ANTXR2: variants seen among roughly 807,000 people sequenced by gnomAD.
ANTXR2 encodes ANTXR cell adhesion molecule 2.
ANTXR2 carries 44 observed loss-of-function variants against 73.7 expected under a neutral mutation model. The ratio of observed to expected loss-of-function variants is 0.60; its 90% CI spans 0.47 to 0.77. ANTXR2 has a LOEUF of 0.77. Ranked by LOEUF, ANTXR2 falls within the 30% of genes least tolerant of loss-of-function variation. The pLI is 0.00. For synonymous variants in ANTXR2, 217 were observed against 205.9 expected (o/e 1.05, Z -0.46); for missense variants, 604 against 592.5 (o/e 1.02, Z -0.20).
At chr4:79,975,375 C>T (rs1257293945) in intron 16 of ANTXR2, among the ~76,000 whole-genome samples, 1 of 152,152 alleles carries the variant, frequency 6.6e-6, no homozygotes, top group Non-Finnish European at 1.5e-5. Flanking sequence ...TGTTTCTACC[C>T]TTTGATATTA....
intron 11 of ANTXR2, among the ~76,000 whole-genome samples, chr4:80,011,774 A>G (rs985554520): frequency 6.6e-6 from 1 of 152,192 alleles, no homozygotes; most frequent in Non-Finnish European, 1.5e-5. Context: ...TTCATGACTA[A>G]CATCTTTCTT....
At chr4:79,913,704 T>C (rs1421054061) in intron 16 of ANTXR2, among the ~76,000 whole-genome samples, 1 of 152,164 alleles carries the variant, frequency 6.6e-6, no homozygotes, top group Non-Finnish European at 1.5e-5. Flanking sequence ...AGTGGAATGC[T>C]AGCCATTTAT....
At chr4:80,004,011 G>T (rs896704049) in intron 12 of ANTXR2, among the ~76,000 whole-genome samples, 1 of 152,020 alleles carries the variant, frequency 6.6e-6, no homozygotes, top group Non-Finnish European at 1.5e-5. Context: ...CAACCTAAAT[G>T]TTTTTCAACA....
intron 14 of ANTXR2, among the ~76,000 whole-genome samples, chr4:79,981,206 G>A (rs1729875440): frequency 6.6e-6 from 1 of 152,038 alleles, no homozygotes; most frequent in African/African-American, 2.4e-5. Context: ...TTAATTCTCA[G>A]TTCAATTTTT....
intron 16 of ANTXR2, among the ~76,000 whole-genome samples, chr4:79,956,222 A>G (rs1428702154): frequency 1.3e-5 from 2 of 152,178 alleles, no homozygotes; most frequent in East Asian, 3.8e-4. Context: ...ATAGAGTAAT[A>G]TGCATGCATT....
chr4:80,068,109 C>T (rs143584183), intron 3 of ANTXR2, among the ~76,000 whole-genome samples: 10 of 152,244 alleles, frequency 6.6e-5, no homozygotes, highest in Non-Finnish European at 5.9e-5. Context: ...ACTAAAAGCA[C>T]AAAGATTAAA....
chr4:80,008,528 C>T lies in ANTXR2; in HGVS notation c.1034G>A (p.Cys345Tyr), dbSNP rs1209449061. ...TAAATCCTTCTTACTCACCACTTTG[C>T]AGCAAAGGGGCCAAAACCACCACAT... The part of the protein sequence containing the change: ...GLMWWFWPLC[C>Y]KVVIKDPPPP... Residue 345 changes from cysteine to tyrosine, a missense_variant, in exon 12 of 17, where the codon TGC (cysteine) becomes TAC (tyrosine). By Grantham distance (194) the Cys-to-Tyr change is radical. Transcript: ENST00000403729. 3.1e-6 allele frequency: 5 copies of T among 1,606,580 alleles called. No homozygotes were observed. Among genetic ancestry groups the T allele is most frequent in the African/African-American group, 1.3e-5 (1 of 74,472 alleles).
Position 79,977,945 on chromosome 4 carries a change from C to A in ANTXR2, c.1347+62G>T, listed in dbSNP as rs895585115. The A allele has an allele frequency of 7.3e-6, 11 of 1,503,336 alleles. No homozygotes were observed. In the African/African-American group the frequency reaches 1.6e-4, roughly 21 times the overall value. The allele number at this position is 1,503,336 out of a possible 1,614,324, so 93.1% of individuals were successfully genotyped here. A position where few individuals can be genotyped will look rare whatever the true frequency, so the allele number is the denominator to read the frequency against. On this transcript the variant is annotated intron_variant, in intron 15 of 16. Coordinates refer to ENST00000403729, the MANE Select transcript of ANTXR2 (RefSeq NM_058172.6). ...TTCAAGTAGCTGGGGGGATGTGGTA[C>A]AAAAAAAGTTACAATGTCTCCAGAA...
At chr4:79,981,467 G>A (rs73829330) in intron 14 of ANTXR2, among the ~76,000 whole-genome samples, 12,743 of 152,052 alleles carry the variant, frequency 0.084, 648 homozygotes, top group Middle Eastern at 0.23. Flanking sequence ...ATTCATTTAT[G>A]TTTGACGCAC....
intron 12 of ANTXR2, among the ~76,000 whole-genome samples, chr4:80,008,292 C>A (rs980520814): frequency 6.6e-6 from 1 of 152,094 alleles, no homozygotes; most frequent in Admixed American, 6.6e-5. Context: ...TTTTTCTCTC[C>A]TCCTCTTCCC....
chr4:79,905,147 T>C lies in ANTXR2; in HGVS notation c.*2282A>G, dbSNP rs1415921046. The C allele has an allele frequency of 1.3e-5, 2 of 152,162 alleles. No homozygotes were observed. The highest frequency in any genetic ancestry group is 2.9e-5 in the Non-Finnish European group (2 of 68,018). 9.4% of individuals were successfully genotyped at this position (152,162 alleles called of 1,614,324 possible). ...TTATTTTTCCATTTAAAGGCAGAGG[T>C]TAATTTTCATTGTTCATGCAGCAAA... On this transcript the variant is annotated 3_prime_UTR_variant, in exon 17 of 17. Transcript: ENST00000403729.
intron 12 of ANTXR2, among the ~76,000 whole-genome samples, chr4:79,994,033 G>A (rs921112294): frequency 9.9e-5 from 15 of 151,652 alleles, no homozygotes; most frequent in Non-Finnish European, 1.0e-4. Context: ...AATGAATGGT[G>A]CTCAGACAAA....
chr4:79,948,349 T>C (rs1728586435), intron 16 of ANTXR2, among the ~76,000 whole-genome samples: 2 of 152,112 alleles, frequency 1.3e-5, no homozygotes, highest in African/African-American at 4.8e-5. Context: ...AAAGCTGACA[T>C]TTGAATCTGA....
At chr4:79,936,912 T>C (rs11944389) in intron 16 of ANTXR2, among the ~76,000 whole-genome samples, 15,880 of 152,132 alleles carry the variant, frequency 0.1, 2,697 homozygotes, top group African/African-American at 0.36. Flanking sequence ...ACTACACTTA[T>C]ATTTTCTATT....
chr4:80,016,924 A>G (rs1731900064), intron 11 of ANTXR2, among the ~76,000 whole-genome samples: 1 of 152,160 alleles, frequency 6.6e-6, no homozygotes. Flanking sequence ...CAGTGGGGCT[A>G]CCCTCCTCTG....
chr4:80,067,770 A>G (rs531422203), intron 3 of ANTXR2, among the ~76,000 whole-genome samples: 2 of 152,278 alleles, frequency 1.3e-5, no homozygotes, highest in South Asian at 4.1e-4. Context: ...CCAACACTGC[A>G]TGTTCTTGTA....
chr4:80,010,102 A>G (rs1731500297), intron 11 of ANTXR2, among the ~76,000 whole-genome samples: 1 of 151,918 alleles, frequency 6.6e-6, no homozygotes, highest in Non-Finnish European at 1.5e-5. Context: ...CAAAAGAGAA[A>G]GAAGATTAAT....
At chr4:79,980,197 C>T (rs1729825721) in intron 14 of ANTXR2, among the ~76,000 whole-genome samples, 1 of 152,128 alleles carries the variant, frequency 6.6e-6, no homozygotes, top group Admixed American at 6.5e-5. Context: ...TAAAGAAATT[C>T]ATTAGTTTTA....
chr4:80,022,186 G>A (rs1048756378), intron 10 of ANTXR2, among the ~76,000 whole-genome samples: 1 of 152,074 alleles, frequency 6.6e-6, no homozygotes, highest in African/African-American at 2.4e-5. Context: ...AGTTTCATTT[G>A]AATCTTCTAG....
Sources: gnomAD v4.1 joint callset for allele counts (sites outside exome capture counted in the v4.1 genomes callset) on GRCh38, gnomAD v4.1.1 for gene constraint, MANE v1.5 for transcripts, NCBI Gene and HGNC (gene_info 2026-07-23, HGNC 2026-07-21) for gene names.